LMO7: variants seen among roughly 807,000 people sequenced by gnomAD.
LMO7 encodes LIM domain 7.
In LMO7, 120 loss-of-function variants were observed where a neutral mutation model predicts 206.5. That is an observed-to-expected ratio of 0.58 (90% CI 0.50 to 0.68). The LOEUF (loss-of-function observed/expected upper bound fraction) is 0.68. Ranked by LOEUF, LMO7 falls within the 30% of genes least tolerant of loss-of-function variation. The pLI, the probability that LMO7 is intolerant of heterozygous loss-of-function variation, is 0.00. For missense variants in LMO7, 1,959 were observed against 1,957.9 expected (o/e 1.00, Z -0.01); for synonymous variants, 706 against 681.5 (o/e 1.04, Z -0.56).
chr13:75,728,106 C>A, intron 3 of LMO7, among the ~76,000 whole-genome samples: 1 of 152,066 alleles, frequency 6.6e-6, no homozygotes, highest in Admixed American at 6.5e-5. Flanking sequence ...GTCTTTATAG[C>A]AGCATGATTT....
intron 3 of LMO7, among the ~76,000 whole-genome samples, chr13:75,751,008 A>G (rs2047222451): frequency 1.3e-5 from 2 of 152,066 alleles, no homozygotes; most frequent in African/African-American, 2.4e-5. Flanking sequence ...ACTTGCTAAC[A>G]TTTTTGGCAC....
chr13:75,740,255 C>T (rs1390427337), intron 3 of LMO7, among the ~76,000 whole-genome samples: 2 of 152,134 alleles, frequency 1.3e-5, no homozygotes, highest in Middle Eastern at 3.2e-3. Context: ...TGGTAATAAG[C>T]AAGACAGACA....
chr13:75,846,567 A>T (rs2060012317), intron 26 of LMO7, among the ~76,000 whole-genome samples: 1 of 152,196 alleles, frequency 6.6e-6, no homozygotes, highest in Non-Finnish European at 1.5e-5. Flanking sequence ...TTTAACCTGC[A>T]GCGATTATAT....
At chr13:75,792,617 A>G (rs913386805) in intron 4 of LMO7, among the ~76,000 whole-genome samples, 3 of 152,152 alleles carry the variant, frequency 2.0e-5, no homozygotes, top group Non-Finnish European at 2.9e-5. Flanking sequence ...CAGTAGTTCT[A>G]TTTTAAAGGA....
chr13:75,700,915 T>C (rs1295927578), intron 1 of LMO7, among the ~76,000 whole-genome samples: 1 of 152,252 alleles, frequency 6.6e-6, no homozygotes, highest in African/African-American at 2.4e-5. Context: ...TAACTGCAAC[T>C]ACAGAAAGTG....
intron 2 of LMO7, among the ~76,000 whole-genome samples, chr13:75,725,067 T>G (rs2044348325): frequency 6.6e-6 from 1 of 152,182 alleles, no homozygotes; most frequent in South Asian, 2.1e-4. Flanking sequence ...TTATCTTTTC[T>G]ATTTCCTTTA....
At chr13:75,749,930 G>C (rs2047139337) in intron 3 of LMO7, among the ~76,000 whole-genome samples, 1 of 151,722 alleles carries the variant, frequency 6.6e-6, no homozygotes, top group South Asian at 2.1e-4. Context: ...ATTGACGTTG[G>C]ATCTCTGAGT....
intron 3 of LMO7, among the ~76,000 whole-genome samples, chr13:75,734,975 G>A (rs989427673): frequency 7.9e-5 from 12 of 152,234 alleles, no homozygotes; most frequent in Admixed American, 3.9e-4. Context: ...CTGTGTGCCT[G>A]TAGTCCCAGT....
rs1207986976 is a variant in LMO7 at position 75,771,283 on chromosome 13, G to A, written c.317+10245G>A. On this transcript the variant is annotated intron_variant, in intron 4 of 30. Coordinates refer to ENST00000377534, the MANE Select transcript of LMO7 (RefSeq NM_001306080.2). ...ATATGTACCTTAGAATAGAAGAGAT[G>A]TAGTACAAATGTGGTCCTCTAACTG... Among the ~76,000 whole-genome samples the A allele has an allele frequency of 2.0e-5, 3 of 152,198 alleles. No homozygotes were observed. In the East Asian group the frequency reaches 5.8e-4, roughly 29 times the overall value.
chr13:75,663,098 A>G (rs1423857449), intron 1 of LMO7, among the ~76,000 whole-genome samples: 7 of 151,964 alleles, frequency 4.6e-5, no homozygotes. Flanking sequence ...CCCATGGGTC[A>G]TTGTAGTTGC....
chr13:75,825,375 C>T (rs775795869), intron 15 of LMO7, among the ~76,000 whole-genome samples: 8 of 152,084 alleles, frequency 5.3e-5, no homozygotes, highest in Non-Finnish European at 8.8e-5. Flanking sequence ...ATGTGCTGCA[C>T]GCTGGGTGTT....
At chr13:75,660,741 G>A (rs2038508036) in intron 1 of LMO7, among the ~76,000 whole-genome samples, 1 of 152,130 alleles carries the variant, frequency 6.6e-6, no homozygotes, top group Non-Finnish European at 1.5e-5. Flanking sequence ...TGAGTAGAAG[G>A]ACCTTGGTTC....
intron 3 of LMO7, 150 bp downstream of exon 3, chr13:75,727,248 T>A: frequency 2.1e-6 from 1 of 472,592 alleles, no homozygotes; most frequent in Non-Finnish European, 3.8e-6. Context: ...TGTCCTCCTT[T>A]TATCTGCAGT....
chr13:75,696,848 G>A (rs970394984), intron 1 of LMO7, among the ~76,000 whole-genome samples: 4 of 152,090 alleles, frequency 2.6e-5, no homozygotes, highest in African/African-American at 9.7e-5. Flanking sequence ...GGACTGAGCC[G>A]AGGGGAGGTG....
At chr13:75,686,670 G>C (rs2139578587) in intron 1 of LMO7, among the ~76,000 whole-genome samples, 1 of 152,188 alleles carries the variant, frequency 6.6e-6, no homozygotes, top group Non-Finnish European at 1.5e-5. Flanking sequence ...ATCCAAAAGT[G>C]AATCCTTGCA....
intron 4 of LMO7, among the ~76,000 whole-genome samples, chr13:75,790,979 AC>A (rs1183850597): frequency 7.6e-6 from 1 of 132,100 alleles, no homozygotes; most frequent in Non-Finnish European, 1.6e-5. Flanking sequence ...TTTCATATCT[AC>A]CCCTTTTTTT....
chr13:75,803,501 C>G (rs1432203923), intron 7 of LMO7, among the ~76,000 whole-genome samples: 1 of 152,172 alleles, frequency 6.6e-6, no homozygotes, highest in East Asian at 1.9e-4. Context: ...TTGTTCTCCC[C>G]CCTTTTCTTC....
chr13:75,830,500 A>T (rs7981546), intron 15 of LMO7, among the ~76,000 whole-genome samples: 32,613 of 152,118 alleles, frequency 0.21, 4,164 homozygotes, highest in African/African-American at 0.36. Flanking sequence ...CTGGTTAATG[A>T]CAGATATACA....
At chr13:75,767,121 G>A (rs1477706505) in intron 4 of LMO7, among the ~76,000 whole-genome samples, 5 of 152,102 alleles carry the variant, frequency 3.3e-5, no homozygotes, top group Non-Finnish European at 7.4e-5. Flanking sequence ...TAAAATGGGA[G>A]CTTTGGACTA....
Sources: gnomAD v4.1 joint callset for allele counts (sites outside exome capture counted in the v4.1 genomes callset) on GRCh38, gnomAD v4.1.1 for gene constraint, MANE v1.5 for transcripts, NCBI Gene and HGNC (gene_info 2026-07-23, HGNC 2026-07-21) for gene names.